The following BTG4 variants were observed in gnomAD, a reference collection of about 807,000 sequenced individuals.
BTG4 encodes the protein protein BTG4.
In BTG4, 10 loss-of-function variants were observed where a neutral mutation model predicts 19.3. That is an observed-to-expected ratio of 0.52 (90% CI 0.32 to 0.88). The LOEUF is 0.88. Among genes scored for constraint, BTG4 ranks in the 40% least tolerant of loss-of-function variants. The probability of loss-of-function intolerance (pLI) is 0.04; values close to 1 mark genes in which losing one functional copy is unlikely to be tolerated. For synonymous variants in BTG4, 91 were observed against 95.7 expected (o/e 0.95, Z 0.29); for missense variants, 238 against 281.9 (o/e 0.84, Z 1.11).
At chr11:111,511,966 G>A (rs1220308232) in intron 1 of BTG4, among the ~76,000 whole-genome samples, 1 of 152,106 alleles carries the variant, frequency 6.6e-6, no homozygotes, top group African/African-American at 2.4e-5. Flanking sequence ...GATCTCAAGA[G>A]GACCACGATT....
At position 111,495,313 on chromosome 11, in the gene BTG4, A is replaced by G; in HGVS notation, c.512T>C (p.Val171Ala). ...KVSNPKSIYQ[V>A]ENLKQPFQSW... ...TTGAAAGGGCTGTTTCAAGTTTTCA[A>G]CCTGGAAAAAAAAAGTATAAAGATC... Residue 171 changes from valine to alanine, a missense_variant and splice_region_variant, in exon 5 of 5, where the codon GTT becomes GCT. By Grantham distance (64) the Val-to-Ala change is moderately conservative (BLOSUM62 0). Coordinates refer to ENST00000692032, the MANE Select transcript of BTG4 (RefSeq NM_001367975.1). The G allele has an allele frequency of 1.2e-6, 2 of 1,609,878 alleles. No individual in the cohort carries two copies. The highest frequency in any genetic ancestry group is 1.7e-6 in the Non-Finnish European group (2 of 1,177,976).
chr11:111,486,531 T>C lies in BTG4; in HGVS notation c.662+8632A>G, dbSNP rs185709592. ...GCAGAAGGTAATACTTCCAAACCCATACTATGAGGCCAGTATTACTTGGAT... is the reference window on the plus strand; with the variant it reads ...GCAGAAGGTAATACTTCCAAACCCACACTATGAGGCCAGTATTACTTGGAT... On this transcript the variant is annotated intron_variant, in intron 5 of 5. Coordinates refer to the BTG4 transcript ENST00000356018. 3.3e-5 allele frequency among the ~76,000 whole-genome samples: 5 copies of C among 152,212 alleles called. No individual in the cohort carries two copies. In the East Asian group the frequency reaches 9.7e-4, roughly 29 times the overall value.
chr11:111,462,380 G>C, the BTG4 span: 2 of 152,470 alleles, frequency 1.3e-5, no homozygotes, highest in Non-Finnish European at 2.9e-5. Flanking sequence ...ATGGAGAGAA[G>C]AGCCAGGGCT....
At chr11:111,472,272 C>T (rs1864113784) in intron 5 of BTG4, among the ~76,000 whole-genome samples, 1 of 152,236 alleles carries the variant, frequency 6.6e-6, no homozygotes, top group African/African-American at 2.4e-5. Context: ...TCCAACCACA[C>T]TTTCCTCCTC....
chr11:111,487,976 C>A (rs553807070), intron 5 of BTG4, among the ~76,000 whole-genome samples: 1 of 152,024 alleles, frequency 6.6e-6, no homozygotes, highest in Non-Finnish European at 1.5e-5. Flanking sequence ...AAAATGGAGA[C>A]GTTCCATGTT....
At chr11:111,500,633 G>A (rs144001039) in intron 1 of BTG4, among the ~76,000 whole-genome samples, 8 of 151,924 alleles carry the variant, frequency 5.3e-5, no homozygotes, top group Non-Finnish European at 1.0e-4. Context: ...AGCTCACCAT[G>A]CTGGGTACTC....
chr11:111,490,685 G>T (rs1865364804), downstream of BTG4, among the ~76,000 whole-genome samples: 1 of 152,082 alleles, frequency 6.6e-6, no homozygotes, highest in African/African-American at 2.4e-5. Context: ...TAGCCATGAG[G>T]GTCATGTAAA....
chr11:111,441,925 G>T, the BTG4 span, among the ~76,000 whole-genome samples: 3 of 151,804 alleles, frequency 2.0e-5, no homozygotes, highest in African/African-American at 7.3e-5. Flanking sequence ...CAGGCATGGT[G>T]GTGCATGCCT....
At chr11:111,439,074 G>A in the BTG4 span, among the ~76,000 whole-genome samples, 1 of 152,228 alleles carries the variant, frequency 6.6e-6, no homozygotes, top group African/African-American at 2.4e-5. Flanking sequence ...GGGCAGCTAA[G>A]CCTCTGCGGT....
At chr11:111,504,664 A>C (rs1474799205) in intron 1 of BTG4, among the ~76,000 whole-genome samples, 1 of 152,094 alleles carries the variant, frequency 6.6e-6, no homozygotes, top group Non-Finnish European at 1.5e-5. Context: ...GAATTGGAAA[A>C]GTAGAAGTCA....
chr11:111,454,921 G>C, the BTG4 span: 3 of 445,080 alleles, frequency 6.7e-6, no homozygotes, highest in Non-Finnish European at 1.4e-5. Flanking sequence ...GGGTGGCTCC[G>C]GGAACAGAGT....
At chr11:111,398,719 C>A in the BTG4 span, among the ~76,000 whole-genome samples, 1 of 152,094 alleles carries the variant, frequency 6.6e-6, no homozygotes, top group Non-Finnish European at 1.5e-5. Context: ...GTGACACCTT[C>A]CCACTTAAAC....
the BTG4 span, among the ~76,000 whole-genome samples, chr11:111,415,622 G>T: frequency 4.2e-4 from 64 of 152,282 alleles, no homozygotes; most frequent in African/African-American, 1.5e-3. Context: ...TCCCAATGGT[G>T]AGCCCAACAG....
chr11:111,487,139 G>GA (rs1025514842), intron 5 of BTG4, among the ~76,000 whole-genome samples: 1 of 152,034 alleles, frequency 6.6e-6, no homozygotes, highest in African/African-American at 2.4e-5. Flanking sequence ...CATGTCCCTG[G>GA]AAAAAACATG....
At chr11:111,397,720 C>G in the BTG4 span, 2 of 152,164 alleles carry the variant, frequency 1.3e-5, no homozygotes, top group Non-Finnish European at 2.9e-5. Flanking sequence ...AGGTTATAGA[C>G]AGTGTCTCTT....
chr11:111,431,845 G>A, the BTG4 span, among the ~76,000 whole-genome samples: 1 of 152,206 alleles, frequency 6.6e-6, no homozygotes, highest in African/African-American at 2.4e-5. Flanking sequence ...CAGAGCTGGG[G>A]ACACATACTT....
At chr11:111,504,238 A>T (rs930644380) in intron 1 of BTG4, among the ~76,000 whole-genome samples, 6 of 152,102 alleles carry the variant, frequency 3.9e-5, no homozygotes, top group Admixed American at 2.6e-4. Context: ...TAATGAACTG[A>T]TTCTGTAACC....
intron 1 of BTG4, among the ~76,000 whole-genome samples, chr11:111,503,830 G>T (rs1399870576): frequency 6.6e-6 from 1 of 152,112 alleles, no homozygotes; most frequent in African/African-American, 2.4e-5. Context: ...CAACTTGATG[G>T]CTAAGGAATA....
At chr11:111,411,987 G>C in the BTG4 span, among the ~76,000 whole-genome samples, 2 of 152,230 alleles carry the variant, frequency 1.3e-5, no homozygotes, top group African/African-American at 4.8e-5. Flanking sequence ...CAGTGGAATG[G>C]TGTCCTGAAG....
Sources: allele counts gnomAD v4.1 joint callset (sites outside exome capture counted in the v4.1 genomes callset), GRCh38; gene constraint gnomAD v4.1.1; transcripts MANE v1.5; gene names NCBI Gene and HGNC (gene_info 2026-07-23, HGNC 2026-07-21).